Variants in FSTL4 observed in about 807,000 individuals in gnomAD.
FSTL4 encodes the protein follistatin like 4.
In FSTL4, 28 loss-of-function variants were observed where a neutral mutation model predicts 78.2. That is an observed-to-expected ratio of 0.36 (90% confidence interval 0.27 to 0.49). FSTL4 has a LOEUF of 0.49. FSTL4 is among the 20% of genes least tolerant of loss of function. The pLI is 0.98. For missense variants in FSTL4, 922 were observed against 1,084.9 expected (o/e 0.85, Z 2.11); for synonymous variants, 422 against 440.5 (o/e 0.96, Z 0.53).
the FSTL4 span, among the ~76,000 whole-genome samples, chr5:133,754,718 T>A: frequency 6.6e-6 from 1 of 152,142 alleles, no homozygotes; most frequent in Admixed American, 6.5e-5. Context: ...GTCCACGCTC[T>A]GGGGACAAAA....
At chr5:133,620,114 A>C in the FSTL4 span, among the ~76,000 whole-genome samples, 2 of 152,266 alleles carry the variant, frequency 1.3e-5, no homozygotes, top group African/African-American at 4.8e-5. Context: ...TATACAAAAA[A>C]GTGTTTTAGG....
the FSTL4 span, among the ~76,000 whole-genome samples, chr5:133,778,859 T>C: frequency 6.6e-5 from 10 of 152,166 alleles, no homozygotes; most frequent in Non-Finnish European, 1.3e-4. Context: ...ACATAACTCC[T>C]CTCACAAGGC....
chr5:133,285,878 T>C (rs1427363328), intron 6 of FSTL4, among the ~76,000 whole-genome samples: 2 of 152,342 alleles, frequency 1.3e-5, no homozygotes, highest in East Asian at 3.9e-4. Context: ...TGCCAAGACC[T>C]GTCCACTGGG....
the FSTL4 span, among the ~76,000 whole-genome samples, chr5:133,810,041 T>G: frequency 1.3e-5 from 2 of 152,220 alleles, no homozygotes; most frequent in African/African-American, 4.8e-5. Context: ...GCGGGACAGG[T>G]GCTTCAAGGC....
chr5:133,280,846 G>A (rs909293999), intron 6 of FSTL4, among the ~76,000 whole-genome samples: 1 of 152,116 alleles, frequency 6.6e-6, no homozygotes, highest in African/African-American at 2.4e-5. Context: ...AGGTCTCCTG[G>A]ACATCTGGCT....
chr5:133,289,135 G>A (rs1366967897), intron 6 of FSTL4, among the ~76,000 whole-genome samples: 1 of 152,204 alleles, frequency 6.6e-6, no homozygotes, highest in African/African-American at 2.4e-5. Flanking sequence ...GGAACCTTGG[G>A]GGCTGCGAGG....
chr5:133,801,725 G>A, the FSTL4 span, among the ~76,000 whole-genome samples: 2 of 152,228 alleles, frequency 1.3e-5, no homozygotes, highest in African/African-American at 2.4e-5. Context: ...ATCTGGGGCT[G>A]AAGAGACAAG....
chr5:133,551,161 C>A (rs958661761), intron 3 of FSTL4, among the ~76,000 whole-genome samples: 1 of 152,106 alleles, frequency 6.6e-6, no homozygotes, highest in Non-Finnish European at 1.5e-5. Context: ...AGACAACGGG[C>A]GAGCCACTCA....
At chr5:133,523,071 T>C (rs1011041193) in intron 3 of FSTL4, among the ~76,000 whole-genome samples, 17 of 151,608 alleles carry the variant, frequency 1.1e-4, no homozygotes. Context: ...AGGAGGTAAT[T>C]AACGTAAAAT....
At chr5:133,208,232 G>C (rs1183358851) in intron 14 of FSTL4, 1 of 152,200 alleles carries the variant, frequency 6.6e-6, no homozygotes, top group Non-Finnish European at 1.5e-5. Flanking sequence ...CTGAGTTCCT[G>C]CGTACCCGTA....
chr5:133,470,089 C>T (rs1445666053), intron 3 of FSTL4, among the ~76,000 whole-genome samples: 2 of 152,212 alleles, frequency 1.3e-5, no homozygotes, highest in Admixed American at 1.3e-4. Flanking sequence ...AGCTCCCAGC[C>T]TGCTCATCCT....
chr5:133,248,480 ACT>A (rs770996168), intron 7 of FSTL4: 1 of 152,006 alleles, frequency 6.6e-6, no homozygotes, highest in African/African-American at 2.4e-5. Flanking sequence ...GGGTGACATC[ACT>A]CTGTCTTCTC....
At chr5:133,539,107 C>A (rs1759415570) in intron 3 of FSTL4, among the ~76,000 whole-genome samples, 1 of 152,076 alleles carries the variant, frequency 6.6e-6, no homozygotes, top group African/African-American at 2.4e-5. Flanking sequence ...CATATAGAAT[C>A]ACATCTGCCA....
chr5:133,723,910 T>C, the FSTL4 span, among the ~76,000 whole-genome samples: 1 of 152,162 alleles, frequency 6.6e-6, no homozygotes, highest in South Asian at 2.1e-4. Context: ...CCATGGTAGC[T>C]TGGCCCTAGG....
At chr5:133,710,357 G>A in the FSTL4 span, among the ~76,000 whole-genome samples, 1 of 152,280 alleles carries the variant, frequency 6.6e-6, no homozygotes, top group East Asian at 1.9e-4. Flanking sequence ...CTTGACTCAA[G>A]TGAACCAAAT....
chr5:133,781,425 T>C, the FSTL4 span, among the ~76,000 whole-genome samples: 3 of 151,536 alleles, frequency 2.0e-5, no homozygotes, highest in South Asian at 6.3e-4. Flanking sequence ...TGTATGTGTG[T>C]GTATGCATGC....
rs143438064 is a variant in FSTL4, at chr5:133,570,955, A to C, written c.127-3736T>G. ...AGTGCAAGGCTACCAAAGAAGCCAG[A>C]AAATGAGGGTCAGAAACCCTGGAAA... On this transcript the variant is annotated intron_variant, in intron 2 of 15. Transcript: ENST00000265342. Among the ~76,000 whole-genome samples, 8 of 152,308 alleles carry C rather than the reference A, an allele frequency of 5.3e-5. No individual in the cohort carries two copies. The East Asian group carries it at 1.4e-3, about 26-fold the overall frequency.
chr5:133,394,861 G>A (rs1755964778), intron 4 of FSTL4, among the ~76,000 whole-genome samples: 1 of 152,236 alleles, frequency 6.6e-6, no homozygotes, highest in Non-Finnish European at 1.5e-5. Context: ...CTAAGGGATT[G>A]TAGATACACC....
At chr5:133,492,469 C>T (rs1000459523) in intron 3 of FSTL4, among the ~76,000 whole-genome samples, 9 of 152,062 alleles carry the variant, frequency 5.9e-5, no homozygotes, top group Non-Finnish European at 2.9e-5. Context: ...TATCTTTGCC[C>T]TTCACTCTCA....
Sources: allele counts gnomAD v4.1 joint callset (sites outside exome capture counted in the v4.1 genomes callset), GRCh38; gene constraint gnomAD v4.1.1; transcripts MANE v1.5; gene names NCBI Gene and HGNC (gene_info 2026-07-23, HGNC 2026-07-21).